The following GBF1 variants were observed in gnomAD, a reference collection of about 807,000 sequenced individuals.
GBF1 encodes the protein Golgi-specific brefeldin A-resistance guanine nucleotide exchange factor 1.
Under a neutral mutation model 210.5 loss-of-function variants are expected in GBF1, and 114 were observed. The ratio of observed to expected loss-of-function variants is 0.54; its 90% CI spans 0.47 to 0.63. The LOEUF is 0.63. GBF1 is among the 30% of genes least tolerant of loss of function. The pLI, the probability that GBF1 is intolerant of heterozygous loss-of-function variation, is 0.00. For synonymous variants in GBF1, 850 were observed against 889.2 expected (o/e 0.96, Z 0.78); for missense variants, 1,851 against 2,357.7 (o/e 0.79, Z 4.45).
At chr10:102,367,588 A>C in intron 21 of GBF1, 28 bp downstream of exon 21, 4 of 1,222,982 alleles carry the variant, frequency 3.3e-6, no homozygotes, top group Non-Finnish European at 4.9e-6. Context: ...ATAGTGCAGT[A>C]TCTCTGTTAA....
intron 3 of GBF1, among the ~76,000 whole-genome samples, chr10:102,318,932 G>A (rs967526600): frequency 2.0e-5 from 3 of 152,002 alleles, no homozygotes; most frequent in Non-Finnish European, 4.4e-5. Context: ...ACCTTATTAA[G>A]ACCTTATAGC....
At chr10:102,265,830 G>A (rs1314889895) in intron 3 of GBF1, among the ~76,000 whole-genome samples, 2 of 152,162 alleles carry the variant, frequency 1.3e-5, no homozygotes, top group Admixed American at 6.5e-5. Context: ...GTCTATGTGC[G>A]TGTGAGGGTG....
intron 39 of GBF1, 43 bp downstream of exon 39, chr10:102,381,298 C>T: frequency 6.2e-7 from 1 of 1,604,764 alleles, no homozygotes; most frequent in Non-Finnish European, 8.5e-7. Flanking sequence ...GAGTAGCAAG[C>T]AGGGGGCCTA....
chr10:102,296,121 G>A (rs1379271479), intron 3 of GBF1, among the ~76,000 whole-genome samples: 1 of 152,118 alleles, frequency 6.6e-6, no homozygotes, highest in African/African-American at 2.4e-5. Context: ...TGATTTCTGA[G>A]TCTATTCTCA....
Position 102,325,610 on chromosome 10 carries a change from G to A in GBF1, c.164-18441G>A, listed in dbSNP as rs116407504. Among the ~76,000 whole-genome samples the A allele has an allele frequency of 4.5e-3, 675 of 150,434 alleles. 4 individuals carry two copies. The highest frequency in any genetic ancestry group is 0.014 in the Middle Eastern group (4 of 286). The stretch of plus-strand genomic sequence containing the variant: ...AAGGACTATAGGGCTTTCCTTGCCC[G>A]TCTCATACTGGAACCCATATGAACT... On this transcript the variant is annotated intron_variant, in intron 3 of 39. Transcript: ENST00000369983.
chr10:102,277,137 G>A (rs1300740604), intron 3 of GBF1, among the ~76,000 whole-genome samples: 1 of 151,984 alleles, frequency 6.6e-6, no homozygotes, highest in African/African-American at 2.4e-5. Flanking sequence ...GATTATCCTG[G>A]GCAACATAGG....
chr10:102,370,106 G>C, intron 26 of GBF1, 68 bp from the exon 27 acceptor site: 1 of 1,507,902 alleles, frequency 6.6e-7, no homozygotes, highest in Non-Finnish European at 9.2e-7. Flanking sequence ...CTCTCCCCCT[G>C]GCTCTTGGGG....
chr10:102,281,526 A>G (rs570412850), intron 3 of GBF1, among the ~76,000 whole-genome samples: 1 of 150,406 alleles, frequency 6.6e-6, no homozygotes, highest in African/African-American at 2.4e-5. Context: ...CACATAAATT[A>G]TAATCTATAA....
the GBF1 span, chr10:102,230,664 G>A: frequency 9.4e-6 from 15 of 1,595,012 alleles, no homozygotes; most frequent in African/African-American, 8.0e-5. Flanking sequence ...GATAGACGTA[G>A]GGGGAAGAGG....
At chr10:102,276,525 CAAAAAA>C (rs67888654) in intron 3 of GBF1, among the ~76,000 whole-genome samples, 1 of 113,562 alleles carries the variant, frequency 8.8e-6, no homozygotes, top group Non-Finnish European at 1.8e-5. Flanking sequence ...GACTCTGCCT[CAAAAAA>C]AAAAAAAAAA....
chr10:102,260,244 A>G (rs2073015892), intron 3 of GBF1, 128 bp downstream of exon 3: 1 of 513,914 alleles, frequency 1.9e-6, no homozygotes, highest in South Asian at 2.9e-5. Context: ...TGGGCCATAC[A>G]CAACTGCAAC....
chr10:102,326,280 A>G (rs2056894221), intron 3 of GBF1, among the ~76,000 whole-genome samples: 3 of 152,224 alleles, frequency 2.0e-5, no homozygotes, highest in South Asian at 2.1e-4. Flanking sequence ...AGACATTTCA[A>G]TATCATTCCC....
chr10:102,330,556 C>T (rs539941543), intron 3 of GBF1, among the ~76,000 whole-genome samples: 9 of 151,842 alleles, frequency 5.9e-5, no homozygotes, highest in South Asian at 4.2e-4. Context: ...TGGTAGTACA[C>T]GCCTGTAATC....
intron 29 of GBF1, 132 bp from the exon 30 acceptor site, chr10:102,375,227 G>A: frequency 1.6e-6 from 1 of 611,700 alleles, no homozygotes; most frequent in Non-Finnish European, 2.9e-6. Flanking sequence ...GACCAGAGCA[G>A]TATCCTAAAT....
intron 3 of GBF1, among the ~76,000 whole-genome samples, chr10:102,324,613 G>A (rs2056738709): frequency 6.6e-6 from 1 of 152,020 alleles, no homozygotes; most frequent in South Asian, 2.1e-4. Flanking sequence ...TTGAGACGGA[G>A]TTTCGCTCTG....
At chr10:102,314,474 C>T (rs1055721460) in intron 3 of GBF1, among the ~76,000 whole-genome samples, 4 of 152,112 alleles carry the variant, frequency 2.6e-5, no homozygotes. Context: ...GTGACTTTTC[C>T]TCCTATACTT....
In GBF1 at chr10:102,331,851, A is replaced by ATTTTT. The variant is rs869198412; in HGVS notation, c.164-12178_164-12174dup. 1.0e-3 allele frequency among the ~76,000 whole-genome samples: 89 copies of ATTTTT among 85,342 alleles called. 5 individuals carry two copies. In the East Asian group the frequency reaches 0.013, roughly 13 times the overall value. The allele number at this position is 85,342 out of a possible 152,430, so 56.0% of individuals were successfully genotyped here. On this transcript the variant is annotated intron_variant, in intron 3 of 39. Transcript: ENST00000369983. ...AGGCGCACGCCACCATACCTGGCTA[A>ATTTTT]TTTTTTTTTTTTTTTTTTTTTTTTT...
At chr10:102,230,768 C>A in the GBF1 span, 1 of 1,515,330 alleles carries the variant, frequency 6.6e-7, no homozygotes, top group African/African-American at 1.4e-5. Context: ...GGGCCCCCGC[C>A]CAGGCCCTGC....
intron 29 of GBF1, among the ~76,000 whole-genome samples, chr10:102,374,057 A>G (rs563186231): frequency 5.1e-4 from 78 of 152,316 alleles, no homozygotes; most frequent in Non-Finnish European, 6.6e-4. Context: ...GAACTTTAGA[A>G]TTTGAAGACA....
Sources: gnomAD v4.1 joint callset for allele counts (sites outside exome capture counted in the v4.1 genomes callset) on GRCh38, gnomAD v4.1.1 for gene constraint, MANE v1.5 for transcripts, NCBI Gene and HGNC (gene_info 2026-07-23, HGNC 2026-07-21) for gene names.